Variants in ARSG observed in about 807,000 individuals in gnomAD.
ARSG encodes ASG.
Under a neutral mutation model 50.5 loss-of-function variants are expected in ARSG, and 37 were observed. The ratio of observed to expected loss-of-function variants is 0.73; its 90% CI spans 0.56 to 0.96. The LOEUF (loss-of-function observed/expected upper bound fraction) is 0.96. ARSG is among the 50% of genes least tolerant of loss of function. ARSG has a pLI of 0.00. For missense variants in ARSG, 629 were observed against 675.3 expected (o/e 0.93, Z 0.76); for synonymous variants, 225 against 254.6 (o/e 0.88, Z 1.11).
chr17:68,423,774 A>G (rs1202967161), downstream of ARSG, among the ~76,000 whole-genome samples: 1 of 152,168 alleles, frequency 6.6e-6, no homozygotes, highest in Non-Finnish European at 1.5e-5. This position sits in a 1 kb window ranked among gnomAD's most constrained non-coding sequence, Gnocchi z 4.4. Flanking sequence ...CAAGGTACCT[A>G]TTATTTTATA....
intron 11 of ARSG, among the ~76,000 whole-genome samples, chr17:68,419,591 A>G (rs956058032): frequency 2.0e-5 from 3 of 152,060 alleles, no homozygotes; most frequent in Admixed American, 6.5e-5. Context: ...AAATAATTAT[A>G]TCCTGATTTT....
At chr17:68,430,057 T>C in the ARSG span, 1 of 1,614,214 alleles carries the variant, frequency 6.2e-7, no homozygotes, top group Admixed American at 1.7e-5. Context: ...GCAAAAGCCC[T>C]GTCCTGATGC....
chr17:68,451,276 T>G, the ARSG span, among the ~76,000 whole-genome samples: 1 of 151,940 alleles, frequency 6.6e-6, no homozygotes, highest in South Asian at 2.1e-4. Flanking sequence ...ACTAAAAATA[T>G]TTTAAAAATT....
At chr17:68,430,173 G>A in the ARSG span, 1 of 1,607,528 alleles carries the variant, frequency 6.2e-7, no homozygotes, top group Admixed American at 1.7e-5. Context: ...AGGGAGTAAT[G>A]CACAGGCAAC....
At chr17:68,391,377 T>C (rs991127521) in intron 9 of ARSG, among the ~76,000 whole-genome samples, 16 of 152,282 alleles carry the variant, frequency 1.1e-4, no homozygotes, top group African/African-American at 3.8e-4. Flanking sequence ...ATGTTGAAGC[T>C]TTTCTCATGG....
chr17:68,439,990 C>T, the ARSG span, among the ~76,000 whole-genome samples: 1 of 152,166 alleles, frequency 6.6e-6, no homozygotes, highest in African/African-American at 2.4e-5. Context: ...CATAAATATT[C>T]CCAGAAGGGA....
chr17:68,416,003 C>T (rs950785134), intron 11 of ARSG, among the ~76,000 whole-genome samples: 1 of 152,182 alleles, frequency 6.6e-6, no homozygotes, highest in African/African-American at 2.4e-5. Flanking sequence ...AGCATTTAGA[C>T]CATTTACATT....
chr17:68,353,375 A>G (rs1005473718), intron 5 of ARSG, among the ~76,000 whole-genome samples: 5 of 152,082 alleles, frequency 3.3e-5, no homozygotes, highest in African/African-American at 1.2e-4. Context: ...AGCATGGTGG[A>G]TATCACTTAC....
At chr17:68,290,237 C>T (rs1555755377), upstream of ARSG, among the ~76,000 whole-genome samples, 1 of 152,136 alleles carries the variant, frequency 6.6e-6, no homozygotes, top group African/African-American at 2.4e-5. Context: ...CTCCGGGGAG[C>T]TTTTTCTAAG....
chr17:68,284,342 C>G (rs2075793820), intron 1 of ARSG, among the ~76,000 whole-genome samples: 1 of 151,994 alleles, frequency 6.6e-6, no homozygotes, highest in Non-Finnish European at 1.5e-5. Context: ...TGCAATGAGC[C>G]AAGATCGTGC....
intron 6 of ARSG, among the ~76,000 whole-genome samples, chr17:68,362,497 C>T (rs375183897): frequency 6.6e-6 from 1 of 152,124 alleles, no homozygotes; most frequent in Non-Finnish European, 1.5e-5. Flanking sequence ...ATCTTTCCCT[C>T]CCCTCCACAC....
At chr17:68,375,464 C>T (rs1345810973) in intron 8 of ARSG, among the ~76,000 whole-genome samples, 9 of 152,100 alleles carry the variant, frequency 5.9e-5, no homozygotes, top group Non-Finnish European at 1.0e-4. Context: ...GTCCTTTGGG[C>T]GATAATGCAG....
chr17:68,320,289 T>TAA (rs1406336852), intron 2 of ARSG, among the ~76,000 whole-genome samples: 3 of 125,178 alleles, frequency 2.4e-5, no homozygotes, highest in Non-Finnish European at 1.7e-5. Flanking sequence ...GACTCCGTCT[T>TAA]AAAAAAAAAA....
At chr17:68,263,127 T>G (rs571931299) in intron 1 of ARSG, among the ~76,000 whole-genome samples, 1 of 152,372 alleles carries the variant, frequency 6.6e-6, no homozygotes, top group African/African-American at 2.4e-5. Context: ...TAATTTTCCA[T>G]GTAGGAAATG....
intron 8 of ARSG, among the ~76,000 whole-genome samples, chr17:68,379,421 A>ATTTTTTTTTTTTTTTTTTTT (rs375841879): frequency 2.8e-5 from 2 of 72,268 alleles, no homozygotes; most frequent in African/African-American, 6.3e-5. Context: ...GAACACTACA[A>ATTTTTTTTTTTTTTTTTTTT]TTTTTTTTTT....
In ARSG at chr17:68,271,352, C is replaced by T; in HGVS notation, c.-552+11926C>T. Reference sequence around the variant, plus strand: ...TCGCTTGGCCTGGGGCTGGTCTTCACCAGGACCTGCTGCATGTCGGCCTTC... The same window carrying T: ...TCGCTTGGCCTGGGGCTGGTCTTCATCAGGACCTGCTGCATGTCGGCCTTC... On this transcript the variant is annotated intron_variant, in intron 1 of 11. Transcript: ENST00000448504. The surrounding 1 kb of genome is among the most constrained non-coding windows in gnomAD (Gnocchi z 5.3). 6.2e-7 allele frequency: 1 copy of T among 1,614,228 alleles called. No homozygotes were observed. Among genetic ancestry groups the T allele is most frequent in the South Asian group, 1.1e-5 (1 of 91,090 alleles).
chr17:68,286,443 C>A (rs1227224124), intron 1 of ARSG, among the ~76,000 whole-genome samples: 2 of 152,162 alleles, frequency 1.3e-5, no homozygotes, highest in African/African-American at 4.8e-5. Context: ...ACTGAAATAG[C>A]CCAATACTGA....
At chr17:68,433,785 T>TTTG in the ARSG span, among the ~76,000 whole-genome samples, 2 of 88,324 alleles carry the variant, frequency 2.3e-5, no homozygotes, top group African/African-American at 7.7e-5. Flanking sequence ...TTTTTTTTTT[T>TTTG]TTTTTTTTTT....
At chr17:68,280,577 G>A (rs2145094809) in intron 1 of ARSG, among the ~76,000 whole-genome samples, 1 of 152,260 alleles carries the variant, frequency 6.6e-6, no homozygotes, top group South Asian at 2.1e-4. Context: ...TTTGAAAACT[G>A]GATATCAATA....
Sources: allele counts gnomAD v4.1 joint callset (sites outside exome capture counted in the v4.1 genomes callset), GRCh38; gene constraint gnomAD v4.1.1; non-coding constraint Gnocchi (gnomAD v3.1); transcripts MANE v1.5; gene names NCBI Gene and HGNC (gene_info 2026-07-23, HGNC 2026-07-21).